Variants in SPAG16 observed in about 807,000 individuals in gnomAD.
SPAG16 encodes the protein sperm-associated antigen 16 protein.
SPAG16 carries 86 observed loss-of-function variants against 80.4 expected under a neutral mutation model. The observed-to-expected ratio is 1.07, with a 90% CI of 0.90 to 1.28. The LOEUF (loss-of-function observed/expected upper bound fraction) is 1.28. SPAG16 is among the 50% of genes most tolerant of loss of function. The probability of loss-of-function intolerance (pLI) is 0.00; values close to 1 mark genes in which losing one functional copy is unlikely to be tolerated. For missense variants in SPAG16, 870 were observed against 765.3 expected, an observed-to-expected ratio of 1.14 and a Z score of -1.61; for synonymous variants, 294 against 265.9, an observed-to-expected ratio of 1.11 and a Z score of -1.03.
chr2:213,557,420 T>C (rs185156564), intron 10 of SPAG16, among the ~76,000 whole-genome samples: 4 of 152,144 alleles, frequency 2.6e-5, no homozygotes, highest in Admixed American at 2.6e-4. Flanking sequence ...ATTTTCATGA[T>C]GGATAATTAT....
At chr2:213,442,729 C>G (rs2071047489) in intron 9 of SPAG16, among the ~76,000 whole-genome samples, 1 of 152,038 alleles carries the variant, frequency 6.6e-6, no homozygotes, top group African/African-American at 2.4e-5. Context: ...AAAAATAAAT[C>G]TAGACACAAG....
At chr2:213,983,780 G>C (rs1276142803) in intron 12 of SPAG16, among the ~76,000 whole-genome samples, 1 of 152,002 alleles carries the variant, frequency 6.6e-6, no homozygotes, top group Non-Finnish European at 1.5e-5. Flanking sequence ...GGGTGTTGAA[G>C]AAGCCCATTA....
At chr2:213,902,491 C>G (rs1180208948) in intron 11 of SPAG16, among the ~76,000 whole-genome samples, 1 of 152,170 alleles carries the variant, frequency 6.6e-6, no homozygotes, top group African/African-American at 2.4e-5. Context: ...ATAAAACCAT[C>G]AGATCTCATG....
chr2:214,100,423 T>G (rs1274907811), intron 13 of SPAG16, among the ~76,000 whole-genome samples: 1 of 152,116 alleles, frequency 6.6e-6, no homozygotes, highest in Non-Finnish European at 1.5e-5. Flanking sequence ...ATGTGCAGGT[T>G]TATTATATAG....
intron 10 of SPAG16, among the ~76,000 whole-genome samples, chr2:213,705,374 G>T (rs1003823544): frequency 5.9e-5 from 9 of 152,160 alleles, no homozygotes; most frequent in African/African-American, 1.9e-4. Context: ...ACTTCATCTG[G>T]ATGGGCTTCA....
At chr2:213,606,676 CTTTAGCCTGGATT>C (rs1012157328) in intron 10 of SPAG16, among the ~76,000 whole-genome samples, 44 of 152,224 alleles carry the variant, frequency 2.9e-4, no homozygotes, top group Admixed American at 3.9e-4. Context: ...CTATTCTTAT[CTTTAGCCTGGATT>C]TTATTATCTA....
At chr2:213,293,603 A>G (rs1031709935) in intron 1 of SPAG16, among the ~76,000 whole-genome samples, 2 of 152,234 alleles carry the variant, frequency 1.3e-5, no homozygotes, top group African/African-American at 4.8e-5. Context: ...GTACATTGTC[A>G]GTGAGCTGCC....
At chr2:213,535,541 T>TG (rs1351344031) in intron 10 of SPAG16, among the ~76,000 whole-genome samples, 11 of 152,160 alleles carry the variant, frequency 7.2e-5, no homozygotes, top group African/African-American at 2.7e-4. Flanking sequence ...GTAATTTCTT[T>TG]GCAATTTTCA....
At chr2:213,381,824 A>T (rs2067189642) in intron 9 of SPAG16, among the ~76,000 whole-genome samples, 1 of 152,220 alleles carries the variant, frequency 6.6e-6, no homozygotes, top group African/African-American at 2.4e-5. Flanking sequence ...AGCCAGACTG[A>T]TAGCCACTGC....
intron 10 of SPAG16, among the ~76,000 whole-genome samples, chr2:213,660,854 T>C (rs2063400171): frequency 1.3e-5 from 2 of 152,238 alleles, no homozygotes; most frequent in African/African-American, 4.8e-5. Flanking sequence ...GTGCTTGATA[T>C]ACTGCTTTCT....
At chr2:213,671,171 T>C (rs991689437) in intron 10 of SPAG16, among the ~76,000 whole-genome samples, 2 of 152,184 alleles carry the variant, frequency 1.3e-5, no homozygotes, top group Non-Finnish European at 2.9e-5. Flanking sequence ...AAATATGATA[T>C]ATTAAAACAA....
chr2:213,753,090 G>A (rs956190718), intron 10 of SPAG16, among the ~76,000 whole-genome samples: 7 of 152,138 alleles, frequency 4.6e-5, no homozygotes, highest in Admixed American at 3.3e-4. Context: ...TCAGCTCACT[G>A]CAAGCTCCAC....
intron 15 of SPAG16, among the ~76,000 whole-genome samples, chr2:214,159,238 TA>T (rs1243149955): frequency 6.6e-6 from 1 of 151,966 alleles, no homozygotes; most frequent in Non-Finnish European, 1.5e-5. Flanking sequence ...AAGAGATAAT[TA>T]GACCTTTTAC....
chr2:214,341,718 A>G (rs1457637101), intron 15 of SPAG16, among the ~76,000 whole-genome samples: 1 of 152,172 alleles, frequency 6.6e-6, no homozygotes, highest in African/African-American at 2.4e-5. Flanking sequence ...GGATAAGCAC[A>G]TTTTCAGACA....
chr2:213,848,400 A>G (rs1015752712), intron 10 of SPAG16, among the ~76,000 whole-genome samples: 10 of 152,194 alleles, frequency 6.6e-5, no homozygotes, highest in African/African-American at 2.4e-4. Context: ...ATCAGGACTC[A>G]TTTCAGGTCT....
At chr2:213,910,233 A>G (rs954707346) in intron 11 of SPAG16, among the ~76,000 whole-genome samples, 1 of 152,202 alleles carries the variant, frequency 6.6e-6, no homozygotes, top group Non-Finnish European at 1.5e-5. Context: ...ACTACAATAT[A>G]ACGATAGTAA....
At chr2:214,149,345 A>G in intron 15 of SPAG16, 79 bp downstream of exon 15, 1 of 1,272,318 alleles carries the variant, frequency 7.9e-7, no homozygotes, top group East Asian at 3.5e-5. Context: ...GTTTCTCCTT[A>G]AATGTATGTA....
intron 14 of SPAG16, among the ~76,000 whole-genome samples, chr2:214,118,571 A>C (rs2054057509): frequency 6.6e-6 from 1 of 152,146 alleles, no homozygotes; most frequent in Admixed American, 6.6e-5. Flanking sequence ...TGGCGGCAGA[A>C]GTGCTGAGCA....
intron 10 of SPAG16, among the ~76,000 whole-genome samples, chr2:213,712,560 A>C (rs894897177): frequency 6.6e-6 from 1 of 152,174 alleles, no homozygotes; most frequent in Non-Finnish European, 1.5e-5. Context: ...GTAGTAAGAC[A>C]AGGCTGAAAA....
Sources: allele counts gnomAD v4.1 joint callset (sites outside exome capture counted in the v4.1 genomes callset), GRCh38; gene constraint gnomAD v4.1.1; transcripts MANE v1.5; gene names NCBI Gene and HGNC (gene_info 2026-07-23, HGNC 2026-07-21).